Variants in PLCG2 observed in about 807,000 individuals in gnomAD.
PLCG2 encodes the protein 1-phosphatidylinositol 4,5-bisphosphate phosphodiesterase gamma-2.
A neutral mutation model predicts 175.6 loss-of-function variants in PLCG2; 69 were observed. The observed-to-expected ratio is 0.39, with a 90% CI of 0.32 to 0.48. The LOEUF is 0.48. Among genes scored for constraint, PLCG2 ranks in the 20% least tolerant of loss-of-function variants. The pLI, the probability that PLCG2 is intolerant of heterozygous loss-of-function variation, is 0.91. For missense variants in PLCG2, 1,798 were observed against 1,650.9 expected, an observed-to-expected ratio of 1.09 and a Z score of -1.54; for synonymous variants, 827 against 624.0, an observed-to-expected ratio of 1.33 and a Z score of -4.85.
chr16:81,824,724 C>A (rs1271534654), intron 2 of PLCG2, among the ~76,000 whole-genome samples: 2 of 152,200 alleles, frequency 1.3e-5, no homozygotes, highest in Non-Finnish European at 2.9e-5. Flanking sequence ...GCCTTTTTGT[C>A]CTTCCCCATG....
chr16:81,874,836 G>A (rs1362210027), intron 7 of PLCG2, among the ~76,000 whole-genome samples: 2 of 151,632 alleles, frequency 1.3e-5, no homozygotes, highest in East Asian at 1.9e-4. Context: ...TCACGTTTGT[G>A]TCTCCCTGGT....
chr16:81,885,623 AC>A (rs1424304948), intron 9 of PLCG2, among the ~76,000 whole-genome samples: 1 of 125,046 alleles, frequency 8.0e-6, no homozygotes, highest in Non-Finnish European at 1.8e-5. Context: ...CACAGATAGA[AC>A]TTTTTTTTTT....
intron 2 of PLCG2, among the ~76,000 whole-genome samples, chr16:81,800,647 G>A (rs909535037): frequency 7.2e-5 from 11 of 151,792 alleles, no homozygotes; most frequent in East Asian, 3.9e-4. Context: ...CCCTATCTTC[G>A]CTATTGTGAT....
chr16:81,774,833 C>G (rs1436331733), upstream of PLCG2, among the ~76,000 whole-genome samples: 1 of 151,970 alleles, frequency 6.6e-6, no homozygotes, highest in East Asian at 1.9e-4. Flanking sequence ...CAACCTCTGC[C>G]TCCTGGGCTT....
At chr16:81,778,041 A>AT (rs1567457761), upstream of PLCG2, among the ~76,000 whole-genome samples, 19 of 80,596 alleles carry the variant, frequency 2.4e-4, no homozygotes, top group South Asian at 6.3e-4. Context: ...ACAAAAAAAA[A>AT]ACAAAAAAAA....
At chr16:81,928,400 A>C (rs1414252319) in intron 23 of PLCG2, among the ~76,000 whole-genome samples, 158 bp from the exon 24 acceptor site, 1 of 152,102 alleles carries the variant, frequency 6.6e-6, no homozygotes, top group Non-Finnish European at 1.5e-5. Flanking sequence ...TCCATGCTTC[A>C]TTATTTAGCT....
At chr16:81,863,222 C>G (rs1907068627) in intron 5 of PLCG2, among the ~76,000 whole-genome samples, 1 of 152,182 alleles carries the variant, frequency 6.6e-6, no homozygotes, top group South Asian at 2.1e-4. Context: ...CTCTTTAGCC[C>G]CTGGAAATCA....
Position 81,960,114 on chromosome 16 carries a change from C to T in PLCG2, c.*2116C>T, listed in dbSNP as rs555785628. ...CCTCTGCCTAAAACTGTCTCCTTCT[C>T]CTGGTGCTACAACCGGAATCCACCA... On this transcript the variant is annotated 3_prime_UTR_variant, in exon 33 of 33. Coordinates refer to ENST00000564138, the MANE Select transcript of PLCG2 (RefSeq NM_002661.5). The T allele has an allele frequency of 4.6e-6, 1 of 219,756 alleles. No individual in the cohort carries two copies. The highest frequency in any genetic ancestry group is 1.8e-4 in the South Asian group (1 of 5,426). The allele number at this position is 219,756 out of a possible 1,614,324, so 13.6% of individuals were successfully genotyped here.
At position 81,883,580 on chromosome 16, in the gene PLCG2, A is replaced by C. The variant is rs1393768561; in HGVS notation, c.765+239A>C. On this transcript the variant is annotated intron_variant, in intron 9 of 32. Transcript: ENST00000564138. ...GAGCCTCATGTCGGGCCTCTTTTGA[A>C]GGCACACATTGAGGATGAGAAGACT... The C allele has an allele frequency of 7.2e-6, 4 of 557,562 alleles. No homozygotes were observed. In the Admixed American group the frequency reaches 1.2e-4, roughly 17 times the overall value. The allele number at this position is 557,562 out of a possible 1,614,324, so 34.5% of individuals were successfully genotyped here.
chr16:81,805,367 C>T (rs890294348), intron 2 of PLCG2, among the ~76,000 whole-genome samples: 5 of 151,552 alleles, frequency 3.3e-5, no homozygotes, highest in African/African-American at 9.7e-5. Context: ...GGTGTGGTGT[C>T]GGGTGCCTAT....
At chr16:81,900,242 G>C (rs1250980745) in intron 13 of PLCG2, among the ~76,000 whole-genome samples, 3 of 152,182 alleles carry the variant, frequency 2.0e-5, no homozygotes, top group Non-Finnish European at 4.4e-5. Context: ...GGTGACCCTG[G>C]GTGAAGCACA....
intron 2 of PLCG2, among the ~76,000 whole-genome samples, chr16:81,824,502 C>T (rs773541967): frequency 3.3e-5 from 5 of 152,210 alleles, no homozygotes; most frequent in Non-Finnish European, 7.3e-5. Flanking sequence ...GAAAGCACCT[C>T]CAGCTTTTGT....
chr16:81,896,279 G>T (rs1248236866), intron 13 of PLCG2, among the ~76,000 whole-genome samples: 1 of 151,922 alleles, frequency 6.6e-6, no homozygotes, highest in South Asian at 2.1e-4. Flanking sequence ...CTGTAATCCC[G>T]GCACTTTGGG....
At chr16:81,907,852 C>T (rs1909445998) in intron 16 of PLCG2, 78 bp downstream of exon 16, 2 of 995,440 alleles carry the variant, frequency 2.0e-6, no homozygotes, top group Non-Finnish European at 1.6e-6. Context: ...GACCTCCTTC[C>T]CATGTGGCTT....
chr16:81,754,380 A>G (rs185107596), intron 1 of PLCG2, among the ~76,000 whole-genome samples: 1 of 4,776 alleles, frequency 2.1e-4, no homozygotes, highest in Non-Finnish European at 3.7e-4. Flanking sequence ...CCTCCTCCCC[A>G]CCCCTCCCCA....
chr16:81,802,612 G>A (rs376020897), intron 2 of PLCG2, among the ~76,000 whole-genome samples: 8 of 150,326 alleles, frequency 5.3e-5, no homozygotes, highest in East Asian at 2.0e-4. Flanking sequence ...CACTCTTGTC[G>A]CCGGGCTGGA....
upstream of PLCG2, among the ~76,000 whole-genome samples, chr16:81,776,664 G>C (rs8050286): frequency 0.68 from 103,483 of 152,108 alleles, 35,533 homozygotes; most frequent in South Asian, 0.74. Flanking sequence ...AAACGATTCT[G>C]CTACCTCAGA....
intron 26 of PLCG2, among the ~76,000 whole-genome samples, chr16:81,935,009 A>G (rs951003100): frequency 1.3e-5 from 2 of 152,112 alleles, no homozygotes; most frequent in Admixed American, 1.3e-4. Flanking sequence ...TCAAGGTGAG[A>G]TTTGGGTGGG....
chr16:81,936,226 T>G lies in PLCG2; in HGVS notation c.2900T>G (p.Ile967Ser). 6.2e-7 allele frequency: 1 copy of G among 1,614,106 alleles called. No individual in the cohort carries two copies. Among genetic ancestry groups the G allele is most frequent in the Non-Finnish European group, 8.5e-7 (1 of 1,180,004 alleles). The change falls in exon 27 of 33, where the codon ATC (isoleucine) becomes AGC (serine). Residue 967 changes from isoleucine to serine, a missense_variant. Transcript: ENST00000564138. ...GTGGAGACGAAGGCTGACAGCATCA[T>G]CAGACAGAAGCCCGTCGACCTCCTG... Reference protein sequence around the residue: ...SFVETKADSIIRQKPVDLLKY... With the variant: ...SFVETKADSISRQKPVDLLKY...
Sources: allele counts gnomAD v4.1 joint callset (sites outside exome capture counted in the v4.1 genomes callset), GRCh38; gene constraint gnomAD v4.1.1; transcripts MANE v1.5; gene names NCBI Gene and HGNC (gene_info 2026-07-23, HGNC 2026-07-21).